GLIS3: variants seen among roughly 807,000 people sequenced by gnomAD.
GLIS3 encodes the protein GLIS family zinc finger 3.
GLIS3 carries 53 observed loss-of-function variants against 78.6 expected under a neutral mutation model. That is an observed-to-expected ratio of 0.67 (90% CI 0.54 to 0.85). GLIS3 has a LOEUF of 0.85. Among genes scored for constraint, GLIS3 ranks in the 40% least tolerant of loss-of-function variants. The pLI is 0.00. For synonymous variants in GLIS3, 684 were observed against 509.9 expected, an observed-to-expected ratio of 1.34 and a Z score of -4.60; for missense variants, 1,703 against 1,231.1, an observed-to-expected ratio of 1.38 and a Z score of -5.74.
chr9:4,437,531 AG>A, the GLIS3 span, among the ~76,000 whole-genome samples: 1,624 of 152,282 alleles, frequency 0.011, 28 homozygotes, highest in African/African-American at 0.037. Context: ...TCCATTTTAC[AG>A]AGGACAAAAC....
At chr9:4,000,477 TTTTA>T (rs1821052867) in intron 4 of GLIS3, among the ~76,000 whole-genome samples, 1 of 152,144 alleles carries the variant, frequency 6.6e-6, no homozygotes, top group Non-Finnish European at 1.5e-5. Flanking sequence ...ATCAGTGTTA[TTTTA>T]TTTATTATTC....
At chr9:4,033,874 A>AC (rs1824075092) in intron 4 of GLIS3, among the ~76,000 whole-genome samples, 1 of 150,134 alleles carries the variant, frequency 6.7e-6, no homozygotes, top group Non-Finnish European at 1.5e-5. Flanking sequence ...TAAAAAAAAA[A>AC]AAAAAAAAAA....
chr9:4,046,461 G>A (rs1250205928), intron 4 of GLIS3, among the ~76,000 whole-genome samples: 4 of 152,146 alleles, frequency 2.6e-5, no homozygotes, highest in Non-Finnish European at 5.9e-5. Context: ...TATAAGGAGG[G>A]GCTGAGAGAT....
the GLIS3 span, among the ~76,000 whole-genome samples, chr9:4,441,220 T>C: frequency 6.6e-6 from 1 of 152,242 alleles, no homozygotes; most frequent in Admixed American, 6.5e-5. Context: ...ATGGGCATCT[T>C]TGCCTTATCC....
At chr9:4,321,687 T>G (rs1817531708) in intron 2 of GLIS3, among the ~76,000 whole-genome samples, 1 of 140,306 alleles carries the variant, frequency 7.1e-6, no homozygotes, top group Admixed American at 7.9e-5. Flanking sequence ...GTAACTACCA[T>G]CTCTGCATTT....
intron 4 of GLIS3, among the ~76,000 whole-genome samples, chr9:4,014,582 T>G (rs1171930615): frequency 1.3e-5 from 2 of 152,136 alleles, no homozygotes; most frequent in Admixed American, 6.5e-5. Flanking sequence ...CAGCAATGAT[T>G]AGAAGCTAGG....
Position 3,898,701 on chromosome 9 carries a change from G to A in GLIS3, c.2118C>T (p.Asp706=), listed in dbSNP as rs1255718896. The A allele has an allele frequency of 6.2e-7, 1 of 1,613,968 alleles. No homozygotes were observed. The highest frequency in any genetic ancestry group is 8.5e-7 in the Non-Finnish European group (1 of 1,180,024). Residue 706 remains aspartate (D), a synonymous_variant, in exon 7 of 11, where the codon GAC becomes GAT. Transcript: ENST00000381971. The part of the protein sequence containing the change: ...TVGRSPGPGP[D]LYSAPIFSSN... ...CTTTGCTGTCTTTACCTGAATAGAG[G>A]TCAGGCCCGGGTCCAGGGGAGCGTC...
chr9:4,397,428 C>T, the GLIS3 span, among the ~76,000 whole-genome samples: 17 of 151,654 alleles, frequency 1.1e-4, no homozygotes, highest in African/African-American at 1.7e-4. Context: ...GCTTCAATTA[C>T]TGATTTTGAT....
At chr9:4,419,330 T>C in the GLIS3 span, among the ~76,000 whole-genome samples, 1 of 152,136 alleles carries the variant, frequency 6.6e-6, no homozygotes, top group East Asian at 1.9e-4. Flanking sequence ...CTGGGTAACT[T>C]AAAAAGAAAA....
At chr9:3,946,915 C>CTTGCCCTGAG (rs1360530162) in intron 4 of GLIS3, among the ~76,000 whole-genome samples, 1 of 151,008 alleles carries the variant, frequency 6.6e-6, no homozygotes, top group African/African-American at 2.4e-5. Flanking sequence ...TCTTTTCGAC[C>CTTGCCCTGAG]TTGCCCTGAG....
intron 2 of GLIS3, among the ~76,000 whole-genome samples, chr9:4,187,163 A>C (rs202247114): frequency 6.0e-4 from 92 of 152,242 alleles, no homozygotes; most frequent in Admixed American, 5.8e-3. Flanking sequence ...ATCTTGAATT[A>C]ATTTTTGTGT....
At chr9:4,353,800 G>T in the GLIS3 span, among the ~76,000 whole-genome samples, 1 of 152,056 alleles carries the variant, frequency 6.6e-6, no homozygotes, top group East Asian at 1.9e-4. Context: ...ACTTAATTCG[G>T]TGCCTGTAGC....
intron 2 of GLIS3, among the ~76,000 whole-genome samples, chr9:4,206,253 A>T (rs1302987828): frequency 6.6e-6 from 1 of 152,234 alleles, no homozygotes; most frequent in Non-Finnish European, 1.5e-5. Flanking sequence ...AAGACATTTT[A>T]AAAAGAGGTG....
chr9:4,033,724 C>G (rs1033777531), intron 4 of GLIS3, among the ~76,000 whole-genome samples: 5 of 151,836 alleles, frequency 3.3e-5, no homozygotes, highest in Non-Finnish European at 7.4e-5. Flanking sequence ...CTATTTTGTC[C>G]AAATCAAAGG....
At chr9:4,241,839 T>C (rs929765809) in intron 2 of GLIS3, among the ~76,000 whole-genome samples, 1 of 152,118 alleles carries the variant, frequency 6.6e-6, no homozygotes, top group African/African-American at 2.4e-5. Flanking sequence ...CGTACCACCA[T>C]GCCCAGCTAG....
At chr9:4,358,481 G>T in the GLIS3 span, among the ~76,000 whole-genome samples, 6 of 152,180 alleles carry the variant, frequency 3.9e-5, no homozygotes, top group Non-Finnish European at 7.3e-5. Flanking sequence ...AATTGGTGGT[G>T]ATGTTAGGAG....
intron 4 of GLIS3, among the ~76,000 whole-genome samples, chr9:4,067,726 G>T (rs1827218710): frequency 6.6e-6 from 1 of 151,710 alleles, no homozygotes; most frequent in South Asian, 2.1e-4. Flanking sequence ...GTAAAGACAT[G>T]AATTGCAGAT....
chr9:4,316,679 G>A (rs1587381972), intron 2 of GLIS3, among the ~76,000 whole-genome samples: 1 of 152,186 alleles, frequency 6.6e-6, no homozygotes, highest in Non-Finnish European at 1.5e-5. Context: ...CCTGAGATGG[G>A]ACGGCAGCCT....
the GLIS3 span, among the ~76,000 whole-genome samples, chr9:4,353,537 T>G: frequency 6.6e-6 from 1 of 152,114 alleles, no homozygotes; most frequent in Non-Finnish European, 1.5e-5. Flanking sequence ...GGCACTGGCA[T>G]GTGTACTTGT....
Sources: allele counts gnomAD v4.1 joint callset (sites outside exome capture counted in the v4.1 genomes callset), GRCh38; gene constraint gnomAD v4.1.1; transcripts MANE v1.5; gene names NCBI Gene and HGNC (gene_info 2026-07-23, HGNC 2026-07-21).